The following CFAP57 variants were observed in gnomAD, a reference collection of about 807,000 sequenced individuals.
The protein encoded by CFAP57 is cilia- and flagella-associated protein 57.
In CFAP57, 116 loss-of-function variants were observed where a neutral mutation model predicts 146.8. The observed-to-expected ratio is 0.79, with a 90% CI of 0.68 to 0.92. The LOEUF (loss-of-function observed/expected upper bound fraction) is 0.92, where lower values mean the gene tolerates loss of function less well. Ranked by LOEUF, CFAP57 falls within the 40% of genes least tolerant of loss-of-function variation. The pLI, the probability that CFAP57 is intolerant of heterozygous loss-of-function variation, is 0.00. For missense variants in CFAP57, 1,377 were observed against 1,527.2 expected (o/e 0.90, Z 1.64); for synonymous variants, 518 against 552.8 (o/e 0.94, Z 0.88).
chr1:43,172,566 G>T (rs1645007449), intron 1 of CFAP57, 113 bp downstream of exon 1: 1 of 793,738 alleles, frequency 1.3e-6, no homozygotes, highest in African/African-American at 1.7e-5. Flanking sequence ...GGACCCCGGG[G>T]GAGGGGAAAG....
chr1:43,181,555 T>C lies in CFAP57; in HGVS notation c.179T>C (p.Met60Thr), dbSNP rs1175305511. The stretch of plus-strand genomic sequence containing the variant: ...GCAGGCTCAGAGAAGAGTCAGGGCA[T>C]GTTGGCCTTGTCCATCAGTCCCAAT... ...FIPGSEKSQGMLALSISPNRR... is the reference protein window; with the variant it reads ...FIPGSEKSQGTLALSISPNRR... Residue 60 changes from methionine (M) to threonine (T), a missense_variant, in exon 3 of 23, where the codon ATG becomes ACG. Coordinates refer to ENST00000372492, the MANE Select transcript of CFAP57 (RefSeq NM_001378189.1). The C allele has an allele frequency of 3.7e-6, 6 of 1,614,104 alleles. No individual in the cohort carries two copies. The highest frequency in any genetic ancestry group is 1.6e-4 in the Middle Eastern group (1 of 6,084).
At chr1:43,243,504 T>A in intron 22 of CFAP57, 145 bp downstream of exon 22, 1 of 839,558 alleles carries the variant, frequency 1.2e-6, no homozygotes, top group Non-Finnish European at 1.7e-6. Flanking sequence ...ACACACCTGC[T>A]CTTTGAGGAA....
At chr1:43,200,809 T>G (rs558600597) in intron 9 of CFAP57, among the ~76,000 whole-genome samples, 1 of 152,300 alleles carries the variant, frequency 6.6e-6, no homozygotes, top group Admixed American at 6.5e-5. Context: ...AGGTAGTGTA[T>G]GCCATGCCAA....
chr1:43,177,200 G>A (rs780847940), intron 2 of CFAP57: 4 of 456,394 alleles, frequency 8.8e-6, no homozygotes, highest in South Asian at 3.1e-5. Flanking sequence ...AGGGATGATT[G>A]CTGTAATTCA....
At chr1:43,198,403 A>G (rs1190030504) in intron 7 of CFAP57, 78 bp from the exon 8 acceptor site, 12 of 1,469,144 alleles carry the variant, frequency 8.2e-6, no homozygotes, top group Non-Finnish European at 6.6e-6. Flanking sequence ...GATGATAACA[A>G]TATATATCAG....
In CFAP57 at chr1:43,201,332, T is replaced by C. The variant is rs1644113783; in HGVS notation, c.1542+1829T>C. On this transcript the variant is annotated intron_variant, in intron 9 of 22. Transcript: ENST00000372492. The surrounding 1 kb of genome is among the most constrained non-coding windows in gnomAD (Gnocchi z 4.4). ...AATTATCTCAAAGAAGCCAAGGAAC[T>C]AAACAATTTCTGAAAGGTTGAAGTG... 6.6e-6 allele frequency among the ~76,000 whole-genome samples: 1 copy of C among 152,148 alleles called. No homozygotes were observed.
At chr1:43,183,521 TA>T in intron 3 of CFAP57, 69 bp from the exon 4 acceptor site, 1 of 1,398,262 alleles carries the variant, frequency 7.2e-7, no homozygotes, top group South Asian at 1.2e-5. Context: ...TATTAATTTG[TA>T]AAATGGGAAA....
intron 7 of CFAP57, 21 bp from the exon 8 acceptor site, chr1:43,198,460 A>G: frequency 1.2e-6 from 2 of 1,613,238 alleles, no homozygotes; most frequent in South Asian, 2.2e-5. Flanking sequence ...CTTACAATTC[A>G]GTAATTGATC....
rs544961109 is a variant in CFAP57, at chr1:43,236,753, CA to C, written c.3405+2122del. Among the ~76,000 whole-genome samples, 396 of 151,754 alleles carry C rather than the reference CA, an allele frequency of 2.6e-3. 2 individuals carry two copies. The highest frequency in any genetic ancestry group is 0.014 in the South Asian group (68 of 4,780). On this transcript the variant is annotated intron_variant, in intron 21 of 22. Coordinates refer to ENST00000372492, the MANE Select transcript of CFAP57 (RefSeq NM_001378189.1). ...TGAAACCCCATATCTACTAAAAATA[CA>C]AAAAAATTAGCCGGGCGTGTGGTGG... is the stretch of plus-strand genomic sequence containing the variant.
intron 21 of CFAP57, among the ~76,000 whole-genome samples, chr1:43,236,905 TC>T (rs1553187244): frequency 8.4e-6 from 1 of 119,008 alleles, no homozygotes. Flanking sequence ...CGAGACTCCA[TC>T]CCCCCCCAAA....
chr1:43,211,054 C>T (rs1240205487), intron 11 of CFAP57, among the ~76,000 whole-genome samples: 1 of 152,050 alleles, frequency 6.6e-6, no homozygotes, highest in East Asian at 1.9e-4. Flanking sequence ...GACACAGCAC[C>T]TGAGGTTTTG....
At chr1:43,197,327 A>C (rs1449011146) in intron 6 of CFAP57, among the ~76,000 whole-genome samples, 1 of 152,240 alleles carries the variant, frequency 6.6e-6, no homozygotes, top group Admixed American at 6.5e-5. Flanking sequence ...ACTGCACTCC[A>C]GCCTGGGGGA....
chr1:43,204,465 G>C (rs535880541), intron 9 of CFAP57, among the ~76,000 whole-genome samples: 1 of 152,104 alleles, frequency 6.6e-6, no homozygotes, highest in South Asian at 2.1e-4. Context: ...ACAATATATT[G>C]TAGCAGTTCT....
intron 21 of CFAP57, among the ~76,000 whole-genome samples, chr1:43,240,694 AAAG>A (rs545226435): frequency 1.3e-5 from 2 of 152,220 alleles, no homozygotes; most frequent in Non-Finnish European, 2.9e-5. Context: ...GGTAATTTAT[AAAG>A]AAGAGAGGTT....
intron 21 of CFAP57, 129 bp from the exon 22 acceptor site, chr1:43,243,098 G>A (rs1645988140): frequency 1.8e-6 from 2 of 1,106,446 alleles, no homozygotes; most frequent in African/African-American, 1.6e-5. Context: ...GGCCCCAATA[G>A]AGGATCCAGA....
At chr1:43,173,842 C>G (rs1645070507) in intron 2 of CFAP57, among the ~76,000 whole-genome samples, 2 of 152,190 alleles carry the variant, frequency 1.3e-5, no homozygotes. Context: ...ACTAAAATTA[C>G]TGAGCAATAT....
At chr1:43,185,057 C>T (rs1569873436) in intron 4 of CFAP57, 92 bp from the exon 5 acceptor site, 1 of 1,403,886 alleles carries the variant, frequency 7.1e-7, no homozygotes, top group Non-Finnish European at 1.0e-6. Context: ...GTTTCTGTCA[C>T]ACCCAGTGAC....
intron 19 of CFAP57, 101 bp from the exon 20 acceptor site, chr1:43,234,178 G>C: frequency 7.7e-7 from 1 of 1,301,942 alleles, no homozygotes; most frequent in Non-Finnish European, 1.0e-6. Flanking sequence ...CCCAGATGAG[G>C]CATCTCTTTT....
chr1:43,231,900 G>T (rs1174096124), intron 18 of CFAP57, among the ~76,000 whole-genome samples: 1 of 152,104 alleles, frequency 6.6e-6, no homozygotes, highest in Non-Finnish European at 1.5e-5. Context: ...AAGCTCACTG[G>T]TGGTTTCTTA....
Sources: allele counts gnomAD v4.1 joint callset (sites outside exome capture counted in the v4.1 genomes callset), GRCh38; gene constraint gnomAD v4.1.1; non-coding constraint Gnocchi (gnomAD v3.1); transcripts MANE v1.5; gene names NCBI Gene and HGNC (gene_info 2026-07-23, HGNC 2026-07-21).